TECRL: variants seen among roughly 807,000 people sequenced by gnomAD.
The protein encoded by TECRL is trans-2,3-enoyl-CoA reductase-like.
TECRL carries 63 observed loss-of-function variants against 52.8 expected under a neutral mutation model. The observed-to-expected ratio is 1.19, with a 90% CI of 0.97 to 1.47. The LOEUF is 1.47. TECRL is among the 40% of genes most tolerant of loss of function. The pLI, the probability that TECRL is intolerant of heterozygous loss-of-function variation, is 0.00. For missense variants in TECRL, 482 were observed against 429.6 expected, an observed-to-expected ratio of 1.12 and a Z score of -1.08; for synonymous variants, 164 against 141.9, an observed-to-expected ratio of 1.16 and a Z score of -1.10.
At chr4:64,351,427 A>G (rs1720380978) in intron 2 of TECRL, among the ~76,000 whole-genome samples, 1 of 151,864 alleles carries the variant, frequency 6.6e-6, no homozygotes, top group African/African-American at 2.4e-5. Flanking sequence ...GACACATACC[A>G]CCACACTTAG....
intron 1 of TECRL, among the ~76,000 whole-genome samples, chr4:64,396,083 T>G (rs192530699): frequency 1.3e-5 from 2 of 152,240 alleles, no homozygotes; most frequent in African/African-American, 4.8e-5. Context: ...CTGATGGGCA[T>G]TTAGGTTGAT....
At chr4:64,283,774 C>T (rs550916255) in intron 9 of TECRL, among the ~76,000 whole-genome samples, 26 of 152,194 alleles carry the variant, frequency 1.7e-4, no homozygotes, top group African/African-American at 6.3e-4. Context: ...TTGTTTACCA[C>T]AAAATCTTGG....
At position 64,280,082 on chromosome 4, in the gene TECRL, A is replaced by G. The variant is rs1379245120; in HGVS notation, c.1082T>C (p.Phe361Ser). 1.3e-6 allele frequency: 2 copies of G among 1,591,266 alleles called. No individual in the cohort carries two copies. Among genetic ancestry groups the G allele is most frequent in the Non-Finnish European group, 1.7e-6 (2 of 1,171,396 alleles). ...YIHRKSAMIP[F>S]IL Reference sequence around the variant, plus strand: ...GATAAGATTCTTTTTTTACAATATGAATGGAATCATTGCTGATTTTCTATG... The same window carrying G: ...GATAAGATTCTTTTTTTACAATATGGATGGAATCATTGCTGATTTTCTATG... The change falls in exon 12 of 12, where the codon TTC becomes TCC. Residue 361 changes from phenylalanine to serine, a missense_variant. Transcript: ENST00000381210.
chr4:64,392,315 A>G (rs551321204), intron 1 of TECRL, among the ~76,000 whole-genome samples: 2 of 151,974 alleles, frequency 1.3e-5, no homozygotes, highest in East Asian at 1.9e-4. Context: ...AAAAACCATA[A>G]TAAAAATAGT....
intron 8 of TECRL, among the ~76,000 whole-genome samples, chr4:64,299,517 T>A (rs1723881473): frequency 6.6e-6 from 1 of 151,168 alleles, no homozygotes; most frequent in African/African-American, 2.4e-5. Context: ...TTTATTTACA[T>A]ATAACAATCT....
rs1438692591 is a variant in TECRL at position 64,281,525 on chromosome 4, G to A, written c.867C>T (p.Asn289=). ...NNACFPSPNY[N]PFTWMFFLVS... is the part of the protein sequence containing the mutation. ...CCAGGAAAAACATCCATGTGAAGGG[G>A]TTATAATTTGGACTTGGGAAACAGG... The change falls in exon 10 of 12, where the codon AAC becomes AAT. Residue 289 remains asparagine, a synonymous_variant. Transcript: ENST00000381210. The A allele has an allele frequency of 6.2e-7, 1 of 1,604,808 alleles. No individual in the cohort carries two copies. The highest frequency in any genetic ancestry group is 2.2e-5 in the East Asian group (1 of 44,492).
intron 3 of TECRL, among the ~76,000 whole-genome samples, chr4:64,325,300 A>C (rs1718188231): frequency 6.6e-6 from 1 of 152,230 alleles, no homozygotes; most frequent in Admixed American, 6.5e-5. Context: ...TGCAGAAAGT[A>C]ATAATTGCCT....
intron 1 of TECRL, among the ~76,000 whole-genome samples, chr4:64,406,537 T>A (rs139189756): frequency 0.041 from 6,236 of 152,012 alleles, 126 homozygotes; most frequent in Non-Finnish European, 0.048. Context: ...AAAAATAAAA[T>A]AATAATAATA....
chr4:64,395,068 C>T (rs950942980), intron 1 of TECRL, among the ~76,000 whole-genome samples: 7 of 151,892 alleles, frequency 4.6e-5, no homozygotes, highest in African/African-American at 1.4e-4. Context: ...ACCTCGTCCA[C>T]ACCTGGCTAA....
intron 4 of TECRL, among the ~76,000 whole-genome samples, chr4:64,321,552 A>G (rs2110028166): frequency 6.6e-6 from 1 of 152,300 alleles, no homozygotes; most frequent in African/African-American, 2.4e-5. Flanking sequence ...TTCTTTGTAT[A>G]TCAAAACTGT....
intron 1 of TECRL, among the ~76,000 whole-genome samples, chr4:64,401,132 A>G (rs1724331090): frequency 6.6e-6 from 1 of 152,178 alleles, no homozygotes; most frequent in Non-Finnish European, 1.5e-5. Flanking sequence ...TACACATTTT[A>G]TCTTCCACGT....
At chr4:64,320,598 A>G (rs1041429426) in intron 4 of TECRL, among the ~76,000 whole-genome samples, 1 of 151,964 alleles carries the variant, frequency 6.6e-6, no homozygotes, top group Non-Finnish European at 1.5e-5. Flanking sequence ...TAATTCCACT[A>G]TAGTGTGTTT....
intron 4 of TECRL, among the ~76,000 whole-genome samples, chr4:64,315,530 G>A (rs1265257091): frequency 1.3e-5 from 2 of 152,052 alleles, no homozygotes; most frequent in African/African-American, 4.8e-5. Flanking sequence ...TTACTTTGGA[G>A]TTTTCAAAGA....
At chr4:64,285,573 C>T (rs187607310) in intron 9 of TECRL, among the ~76,000 whole-genome samples, 1 of 152,134 alleles carries the variant, frequency 6.6e-6, no homozygotes, top group African/African-American at 2.4e-5. Context: ...GACTAGGAGA[C>T]ACCAGTTTAG....
At chr4:64,375,959 C>T (rs1722371339) in intron 1 of TECRL, among the ~76,000 whole-genome samples, 1 of 151,582 alleles carries the variant, frequency 6.6e-6, no homozygotes, top group Admixed American at 6.6e-5. Flanking sequence ...TATGATAATT[C>T]AAGAAAATAT....
intron 2 of TECRL, among the ~76,000 whole-genome samples, chr4:64,345,932 C>CAAAAAAAAAAAAAAAA (rs1719944644): frequency 8.0e-5 from 1 of 12,548 alleles, no homozygotes; most frequent in Admixed American, 1.1e-3. Flanking sequence ...AAAAAAAAAA[C>CAAAAAAAAAAAAAAAA]ATTTATCATA....
chr4:64,395,101 A>G (rs1723838008), intron 1 of TECRL, among the ~76,000 whole-genome samples: 1 of 151,686 alleles, frequency 6.6e-6, no homozygotes, highest in Non-Finnish European at 1.5e-5. Context: ...TAGTAGAAAC[A>G]GATTGGCCAG....
chr4:64,393,546 T>A (rs1723701211), intron 1 of TECRL, among the ~76,000 whole-genome samples: 2 of 152,080 alleles, frequency 1.3e-5, no homozygotes, highest in Admixed American at 1.3e-4. Context: ...ACTGCCTTCC[T>A]AAGGACATTA....
intron 3 of TECRL, among the ~76,000 whole-genome samples, chr4:64,326,236 T>C (rs1718253633): frequency 2.0e-5 from 3 of 152,152 alleles, no homozygotes. Flanking sequence ...AAATCTATTT[T>C]TTCTATGTAG....
Sources: allele counts gnomAD v4.1 joint callset (sites outside exome capture counted in the v4.1 genomes callset), GRCh38; gene constraint gnomAD v4.1.1; transcripts MANE v1.5; gene names NCBI Gene and HGNC (gene_info 2026-07-23, HGNC 2026-07-21).